The following RABGAP1L variants were observed in gnomAD, a reference collection of about 807,000 sequenced individuals.
RABGAP1L encodes RAB GTPase activating protein 1 like, also known as rab GTPase-activating protein 1-like.
In RABGAP1L, 63 loss-of-function variants were observed where a neutral mutation model predicts 137.7. That is an observed-to-expected ratio of 0.46 (90% CI 0.37 to 0.56). The LOEUF (loss-of-function observed/expected upper bound fraction) is 0.56, where lower values mean the gene tolerates loss of function less well. Ranked by LOEUF, RABGAP1L falls within the 20% of genes least tolerant of loss-of-function variation. The probability of loss-of-function intolerance (pLI) is 0.00; values close to 1 mark genes in which losing one functional copy is unlikely to be tolerated. For synonymous variants in RABGAP1L, 431 were observed against 433.7 expected (o/e 0.99, Z 0.08); for missense variants, 1,095 against 1,244.0 (o/e 0.88, Z 1.80).
intron 13 of RABGAP1L, among the ~76,000 whole-genome samples, chr1:174,513,891 G>A (rs899539283): frequency 1.3e-5 from 2 of 152,030 alleles, no homozygotes; most frequent in African/African-American, 4.8e-5. Context: ...CAATAAATTT[G>A]AAGCACACTC....
intron 18 of RABGAP1L, among the ~76,000 whole-genome samples, chr1:174,782,166 A>G (rs2148767261): frequency 6.6e-6 from 1 of 152,244 alleles, no homozygotes; most frequent in Non-Finnish European, 1.5e-5. Context: ...CAGTATGGCC[A>G]TTTTCATGAT....
At chr1:174,452,721 C>G (rs1405763704) in intron 13 of RABGAP1L, among the ~76,000 whole-genome samples, 1 of 151,884 alleles carries the variant, frequency 6.6e-6, no homozygotes, top group Non-Finnish European at 1.5e-5. Flanking sequence ...GCCACCACGC[C>G]CAGCTAATTT....
At chr1:174,215,803 C>G (rs1295215532) in intron 1 of RABGAP1L, among the ~76,000 whole-genome samples, 2 of 152,178 alleles carry the variant, frequency 1.3e-5, no homozygotes, top group African/African-American at 2.4e-5. Flanking sequence ...TCACATGATT[C>G]ACCAATCCCA....
intron 13 of RABGAP1L, among the ~76,000 whole-genome samples, chr1:174,621,705 A>C (rs1672488271): frequency 6.6e-6 from 1 of 152,214 alleles, no homozygotes; most frequent in Admixed American, 6.5e-5. Context: ...AATTAATTCA[A>C]GATGGATTAA....
intron 11 of RABGAP1L, among the ~76,000 whole-genome samples, chr1:174,325,036 C>G (rs1445032819): frequency 6.6e-6 from 1 of 152,088 alleles, no homozygotes; most frequent in East Asian, 1.9e-4. Context: ...ATTGAGAATA[C>G]TGAATTATTT....
intron 11 of RABGAP1L, among the ~76,000 whole-genome samples, chr1:174,328,357 C>T (rs1260863344): frequency 6.6e-6 from 1 of 151,940 alleles, no homozygotes. Context: ...TTTTTTCTGA[C>T]TGTAATAGAA....
At position 174,395,513 on chromosome 1, in the gene RABGAP1L, C is replaced by T. The variant is rs192514078; in HGVS notation, c.1710+1368C>T. On this transcript the variant is annotated intron_variant, in intron 13 of 25. Transcript: ENST00000681986. ...TTTGAAACATATGGCGGTTTAAACA[C>T]CTCTGTGATTTTTTTCATTGAAATA... Among the ~76,000 whole-genome samples, 14 of 151,968 alleles carry T rather than the reference C, an allele frequency of 9.2e-5. No homozygotes were observed. The East Asian group carries it at 2.5e-3, about 27-fold the overall frequency.
At chr1:174,397,651 A>T (rs1163732230) in intron 13 of RABGAP1L, among the ~76,000 whole-genome samples, 1 of 152,130 alleles carries the variant, frequency 6.6e-6, no homozygotes, top group Admixed American at 6.5e-5. Flanking sequence ...CTTGGCATGT[A>T]TTTTTCTCCT....
chr1:174,517,131 C>T (rs1419950479), intron 13 of RABGAP1L, among the ~76,000 whole-genome samples: 5 of 151,716 alleles, frequency 3.3e-5, no homozygotes, highest in Non-Finnish European at 7.4e-5. Flanking sequence ...CAGATACAGA[C>T]GTGAATAATA....
Position 174,479,896 on chromosome 1 carries a change from C to T in RABGAP1L, c.1710+85751C>T, listed in dbSNP as rs1203992227. Among the ~76,000 whole-genome samples, 3 of 152,138 alleles carry T rather than the reference C, an allele frequency of 2.0e-5. No individual in the cohort carries two copies. In the South Asian group the frequency reaches 6.2e-4, roughly 32 times the overall value. ...TCTGACTAGGATATTTACTCTCTCT[C>T]TCTCAGAAACATCTATATCTTTAAT... is the stretch of plus-strand genomic sequence containing the variant. On this transcript the variant is annotated intron_variant, in intron 13 of 25. Transcript: ENST00000681986.
intron 10 of RABGAP1L, among the ~76,000 whole-genome samples, chr1:174,300,284 G>T (rs1234695803): frequency 6.6e-6 from 1 of 152,150 alleles, no homozygotes; most frequent in African/African-American, 2.4e-5. Context: ...CCAGCACTTT[G>T]GGAGGCCGAG....
chr1:174,860,595 C>G (rs1379049336), intron 19 of RABGAP1L, among the ~76,000 whole-genome samples: 1 of 152,098 alleles, frequency 6.6e-6, no homozygotes, highest in Non-Finnish European at 1.5e-5. Context: ...ATTTGAAATT[C>G]CACAGTAATT....
At chr1:174,383,471 G>T (rs746467076) in intron 12 of RABGAP1L, among the ~76,000 whole-genome samples, 4 of 152,224 alleles carry the variant, frequency 2.6e-5, no homozygotes, top group East Asian at 1.9e-4. Flanking sequence ...CTCTGAGCCA[G>T]GTGTGGGATA....
chr1:174,352,452 A>G (rs1007909804), intron 11 of RABGAP1L, among the ~76,000 whole-genome samples: 3 of 152,140 alleles, frequency 2.0e-5, no homozygotes, highest in Admixed American at 2.0e-4. Context: ...TTAAATTTAT[A>G]TGATATGATT....
chr1:174,306,162 CATT>C (rs1171863506), intron 11 of RABGAP1L, among the ~76,000 whole-genome samples: 2 of 152,156 alleles, frequency 1.3e-5, no homozygotes, highest in African/African-American at 4.8e-5. Context: ...TCCAGTCTAT[CATT>C]GTTGGACATT....
intron 1 of RABGAP1L, among the ~76,000 whole-genome samples, chr1:174,178,006 A>G (rs899847078): frequency 2.0e-5 from 3 of 152,220 alleles, no homozygotes; most frequent in African/African-American, 7.2e-5. Context: ...AGTTTTTTCT[A>G]ATTCTGCAAA....
At chr1:174,544,089 C>T (rs59523675) in intron 13 of RABGAP1L, among the ~76,000 whole-genome samples, 1,596 of 152,186 alleles carry the variant, frequency 0.01, 25 homozygotes, top group African/African-American at 0.034. Flanking sequence ...TTGCTCTTCT[C>T]GAGGAGTATC....
chr1:174,423,518 G>C (rs139553209), intron 13 of RABGAP1L, among the ~76,000 whole-genome samples: 15 of 152,018 alleles, frequency 9.9e-5, no homozygotes, highest in African/African-American at 3.4e-4. Context: ...CCAAAATGCC[G>C]TATACCTGCA....
chr1:174,642,808 G>A (rs1297002856), intron 14 of RABGAP1L, among the ~76,000 whole-genome samples: 1 of 128,228 alleles, frequency 7.8e-6, no homozygotes, highest in Admixed American at 1.0e-4. Context: ...TCTTCTCTTC[G>A]GGGTCTTGTT....
Sources: allele counts gnomAD v4.1 joint callset (sites outside exome capture counted in the v4.1 genomes callset), GRCh38; gene constraint gnomAD v4.1.1; transcripts MANE v1.5; gene names NCBI Gene and HGNC (gene_info 2026-07-23, HGNC 2026-07-21).